Variants in LRMDA observed in about 807,000 individuals in gnomAD.
The protein encoded by LRMDA is leucine-rich melanocyte differentiation-associated protein.
In LRMDA, 18 loss-of-function variants were observed where a neutral mutation model predicts 29.8. The observed-to-expected ratio is 0.60, with a 90% CI of 0.42 to 0.90. LRMDA has a LOEUF of 0.90. LRMDA is among the 40% of genes least tolerant of loss of function. The pLI, the probability that LRMDA is intolerant of heterozygous loss-of-function variation, is 0.00. For missense variants in LRMDA, 273 were observed against 273.9 expected (o/e 1.00, Z 0.02); for synonymous variants, 125 against 109.4 (o/e 1.14, Z -0.89).
chr10:75,891,323 C>T (rs1845487361), intron 2 of LRMDA, among the ~76,000 whole-genome samples: 1 of 152,190 alleles, frequency 6.6e-6, no homozygotes, highest in African/African-American at 2.4e-5. Context: ...GCAGCATTGG[C>T]ATTTTCTAGG....
chr10:75,843,656 T>G (rs911958788), intron 2 of LRMDA, among the ~76,000 whole-genome samples: 2 of 152,234 alleles, frequency 1.3e-5, no homozygotes, highest in African/African-American at 4.8e-5. Flanking sequence ...TGCTCATTAT[T>G]ATGTCATGTT....
chr10:76,167,347 A>G (rs1237722341), intron 5 of LRMDA, among the ~76,000 whole-genome samples: 1 of 152,090 alleles, frequency 6.6e-6, no homozygotes, highest in Non-Finnish European at 1.5e-5. Flanking sequence ...CTTTTGTTGC[A>G]ATTGCTTTTG....
intron 6 of LRMDA, among the ~76,000 whole-genome samples, chr10:76,486,223 G>C (rs1025022509): frequency 6.6e-6 from 1 of 151,898 alleles, no homozygotes; most frequent in Non-Finnish European, 1.5e-5. Context: ...AATCCACCCA[G>C]TGATATCCAT....
intron 5 of LRMDA, among the ~76,000 whole-genome samples, chr10:76,255,304 A>T (rs948149756): frequency 6.6e-6 from 1 of 152,206 alleles, no homozygotes; most frequent in Non-Finnish European, 1.5e-5. Context: ...ACTACCAAAG[A>T]AGGCAATCTT....
intron 2 of LRMDA, among the ~76,000 whole-genome samples, chr10:76,021,075 C>T (rs1847967227): frequency 6.6e-6 from 1 of 152,186 alleles, no homozygotes; most frequent in Non-Finnish European, 1.5e-5. Context: ...CCCATGGTCA[C>T]AGAGCTTAAT....
rs538922577 is a variant in LRMDA, at chr10:75,858,749, T to C, written c.132-177259T>C. Among the ~76,000 whole-genome samples, 10 of 152,286 alleles carry C rather than the reference T, an allele frequency of 6.6e-5. No individual in the cohort carries two copies. In the South Asian group the frequency reaches 1.7e-3, roughly 25 times the overall value. On this transcript the variant is annotated intron_variant, in intron 2 of 6. Coordinates refer to ENST00000611255, the MANE Select transcript of LRMDA (RefSeq NM_001305581.2). Reference sequence around the variant, plus strand: ...GCTTGAAGGGAAGGTTGCCCTGCCATGTCTTTTTATGCATTGAAAATTAAA... The same window carrying C: ...GCTTGAAGGGAAGGTTGCCCTGCCACGTCTTTTTATGCATTGAAAATTAAA...
intron 5 of LRMDA, among the ~76,000 whole-genome samples, chr10:76,187,087 C>G (rs1041791934): frequency 6.6e-5 from 10 of 152,104 alleles, no homozygotes; most frequent in Non-Finnish European, 1.3e-4. Flanking sequence ...AAATGTACCC[C>G]CTTCCCTCTT....
chr10:76,191,066 AT>A (rs1268230245), intron 5 of LRMDA, among the ~76,000 whole-genome samples: 1 of 152,092 alleles, frequency 6.6e-6, no homozygotes, highest in Non-Finnish European at 1.5e-5. Context: ...AGCAGGCTTA[AT>A]TTTCCTTTCC....
intron 6 of LRMDA, among the ~76,000 whole-genome samples, chr10:76,470,247 C>A (rs1009793265): frequency 6.6e-6 from 1 of 151,700 alleles, no homozygotes; most frequent in Non-Finnish European, 1.5e-5. Context: ...CAAAACCACA[C>A]GAATAAACAA....
intron 2 of LRMDA, among the ~76,000 whole-genome samples, chr10:75,656,166 G>C (rs1015412011): frequency 6.6e-6 from 1 of 152,218 alleles, no homozygotes; most frequent in African/African-American, 2.4e-5. Context: ...GAAAGTACTT[G>C]TAGTGGTCTT....
At chr10:76,234,060 T>A (rs531482645) in intron 5 of LRMDA, among the ~76,000 whole-genome samples, 2 of 152,340 alleles carry the variant, frequency 1.3e-5, no homozygotes, top group Non-Finnish European at 2.9e-5. Flanking sequence ...GAGGAATCAC[T>A]ATCTATGGCA....
rs183886042 is a variant in LRMDA, at chr10:76,375,953, C to T, written c.601+51468C>T. On this transcript the variant is annotated intron_variant, in intron 6 of 6. Transcript: ENST00000611255. Reference sequence around the variant, plus strand: ...GGAAACAGAGAGTAAGAATATCCTGCTGTATCATGCTGTATCACAGGACAG... The same window carrying T: ...GGAAACAGAGAGTAAGAATATCCTGTTGTATCATGCTGTATCACAGGACAG... Among the ~76,000 whole-genome samples the T allele has an allele frequency of 5.3e-5, 8 of 152,014 alleles. No individual in the cohort carries two copies. The East Asian group carries it at 1.2e-3, about 22-fold the overall frequency.
intron 2 of LRMDA, among the ~76,000 whole-genome samples, chr10:75,482,968 A>G (rs1359888923): frequency 4.0e-5 from 6 of 150,678 alleles, no homozygotes; most frequent in Non-Finnish European, 5.9e-5. Flanking sequence ...TTTTTGAGAC[A>G]GAGTCTCACT....
chr10:75,909,573 T>C (rs1409234264), intron 2 of LRMDA, among the ~76,000 whole-genome samples: 2 of 152,178 alleles, frequency 1.3e-5, no homozygotes, highest in Non-Finnish European at 2.9e-5. Context: ...AGAATGCTTA[T>C]CTCTAATAGG....
At chr10:76,023,947 C>A (rs1254123554) in intron 2 of LRMDA, among the ~76,000 whole-genome samples, 1 of 152,212 alleles carries the variant, frequency 6.6e-6, no homozygotes, top group South Asian at 2.1e-4. Context: ...AGCTGATCCC[C>A]ATTCTGATAT....
intron 6 of LRMDA, among the ~76,000 whole-genome samples, chr10:76,373,636 A>G (rs1053104664): frequency 1.3e-5 from 2 of 152,090 alleles, no homozygotes; most frequent in African/African-American, 4.8e-5. Flanking sequence ...ACCTTTGGGA[A>G]GGCCCAATTG....
chr10:76,543,274 T>A (rs1340916963), intron 6 of LRMDA, among the ~76,000 whole-genome samples: 1 of 151,108 alleles, frequency 6.6e-6, no homozygotes, highest in East Asian at 2.0e-4. Flanking sequence ...CTGCATGAGA[T>A]TGCCCCCATG....
chr10:76,535,555 G>T (rs188731234), intron 6 of LRMDA, among the ~76,000 whole-genome samples: 1 of 152,172 alleles, frequency 6.6e-6, no homozygotes, highest in East Asian at 1.9e-4. Context: ...TGCTCATGGG[G>T]TCAGTTATCT....
chr10:75,684,890 G>T (rs984606010), intron 2 of LRMDA, among the ~76,000 whole-genome samples: 5 of 152,180 alleles, frequency 3.3e-5, no homozygotes, highest in Non-Finnish European at 7.3e-5. Flanking sequence ...CCACCAAAGA[G>T]AAAATATTTT....
Sources: gnomAD v4.1 joint callset for allele counts (sites outside exome capture counted in the v4.1 genomes callset) on GRCh38, gnomAD v4.1.1 for gene constraint, MANE v1.5 for transcripts, NCBI Gene and HGNC (gene_info 2026-07-23, HGNC 2026-07-21) for gene names.